RBFOX1: variants seen among roughly 807,000 people sequenced by gnomAD.
RBFOX1 encodes RNA binding protein fox-1 homolog 1.
RBFOX1 carries 8 observed loss-of-function variants against 57.7 expected under a neutral mutation model. That is an observed-to-expected ratio of 0.14 (90% CI 0.08 to 0.25). RBFOX1 has a LOEUF of 0.25. Ranked by LOEUF, RBFOX1 falls within the 10% of genes least tolerant of loss-of-function variation. The probability of loss-of-function intolerance (pLI) is 1.00; values close to 1 mark genes in which losing one functional copy is unlikely to be tolerated. For missense variants in RBFOX1, 611 were observed against 548.5 expected (o/e 1.11, Z -1.14); for synonymous variants, 326 against 222.4 (o/e 1.47, Z -4.15).
At chr16:6,551,033 G>C (rs1386351805) in intron 2 of RBFOX1, among the ~76,000 whole-genome samples, 3 of 152,144 alleles carry the variant, frequency 2.0e-5, no homozygotes, top group Admixed American at 6.5e-5. Flanking sequence ...GGAGGAGATG[G>C]ATTTTGTTTC....
chr16:6,362,549 C>G (rs1328540727), intron 2 of RBFOX1, among the ~76,000 whole-genome samples: 1 of 152,172 alleles, frequency 6.6e-6, no homozygotes, highest in Non-Finnish European at 1.5e-5. Context: ...TTAAGTTTAC[C>G]TGATGCTCTC....
chr16:6,890,435 C>G (rs1047185447), intron 3 of RBFOX1, among the ~76,000 whole-genome samples: 1 of 152,178 alleles, frequency 6.6e-6, no homozygotes, highest in Non-Finnish European at 1.5e-5. Context: ...TGGAGGATCA[C>G]TTAAACCCAG....
intron 3 of RBFOX1, among the ~76,000 whole-genome samples, chr16:5,773,184 G>A (rs1194877191): frequency 6.6e-6 from 1 of 152,140 alleles, no homozygotes; most frequent in Non-Finnish European, 1.5e-5. Context: ...TAGACTTCAG[G>A]GGATAAGTAT....
chr16:7,082,547 G>A (rs2059360994), intron 4 of RBFOX1, among the ~76,000 whole-genome samples: 1 of 150,846 alleles, frequency 6.6e-6, no homozygotes. Flanking sequence ...GGGTGACAGA[G>A]TGAGACCATG....
chr16:7,326,338 G>C (rs1416827649), intron 4 of RBFOX1, among the ~76,000 whole-genome samples: 2 of 152,146 alleles, frequency 1.3e-5, no homozygotes, highest in African/African-American at 4.8e-5. Context: ...TGGAGCAGGA[G>C]GTAGTGCTGG....
intron 4 of RBFOX1, among the ~76,000 whole-genome samples, chr16:5,943,395 C>T (rs2059321836): frequency 6.6e-6 from 1 of 152,194 alleles, no homozygotes; most frequent in African/African-American, 2.4e-5. Context: ...CCTGGGTCCA[C>T]ATACCCAGGT....
intron 4 of RBFOX1, among the ~76,000 whole-genome samples, chr16:7,181,088 C>A (rs2082603522): frequency 6.6e-6 from 1 of 152,170 alleles, no homozygotes; most frequent in African/African-American, 2.4e-5. Context: ...CTTACTGACC[C>A]CCTGCTATCA....
chr16:5,249,833 C>G (rs1357929774), intron 1 of RBFOX1, among the ~76,000 whole-genome samples: 2 of 152,156 alleles, frequency 1.3e-5, no homozygotes, highest in East Asian at 3.8e-4. Flanking sequence ...GTGGTGCCCA[C>G]CTGTAATCCT....
chr16:7,497,114 T>G (rs2068923489), intron 4 of RBFOX1, among the ~76,000 whole-genome samples: 1 of 152,186 alleles, frequency 6.6e-6, no homozygotes. Flanking sequence ...CCTGACCATG[T>G]GAATCCCATG....
chr16:7,079,206 G>T (rs1368644461), intron 4 of RBFOX1, among the ~76,000 whole-genome samples: 1 of 152,004 alleles, frequency 6.6e-6, no homozygotes, highest in Non-Finnish European at 1.5e-5. Context: ...TCCAGGCGCG[G>T]GACTGCATAT....
rs558023869 is a variant in RBFOX1 at position 6,575,980 on chromosome 16, A to G, written c.-63-78623A>G. Among the ~76,000 whole-genome samples, 16 of 152,260 alleles carry G rather than the reference A, an allele frequency of 1.1e-4. No homozygotes were observed. The South Asian group carries it at 3.1e-3, about 30-fold the overall frequency. Reference sequence around the variant, plus strand: ...TGGTAGGCATGGTGCGTTACATCAAAAAATAATTTTTTATTTTTGCAAAGC... The same window carrying G: ...TGGTAGGCATGGTGCGTTACATCAAGAAATAATTTTTTATTTTTGCAAAGC... On this transcript the variant is annotated intron_variant, in intron 2 of 15. Coordinates refer to ENST00000550418, the MANE Select transcript of RBFOX1 (RefSeq NM_018723.4).
intron 1 of RBFOX1, among the ~76,000 whole-genome samples, chr16:6,205,602 C>T (rs961459972): frequency 6.6e-6 from 1 of 152,092 alleles, no homozygotes; most frequent in African/African-American, 2.4e-5. Context: ...TGGTGTACAG[C>T]AGTGATCTGG....
chr16:5,331,217 T>C (rs1235020714), intron 1 of RBFOX1, among the ~76,000 whole-genome samples: 1 of 152,228 alleles, frequency 6.6e-6, no homozygotes, highest in African/African-American at 2.4e-5. Flanking sequence ...TGGCTTGGCT[T>C]GGCCCAGCTC....
At chr16:6,964,558 G>T (rs1018272050) in intron 3 of RBFOX1, among the ~76,000 whole-genome samples, 2 of 151,914 alleles carry the variant, frequency 1.3e-5, no homozygotes, top group Non-Finnish European at 2.9e-5. Flanking sequence ...GGCCAGTGAG[G>T]GTATATGGGG....
At chr16:7,267,576 C>G (rs1008363052) in intron 4 of RBFOX1, among the ~76,000 whole-genome samples, 1 of 149,152 alleles carries the variant, frequency 6.7e-6, no homozygotes, top group Admixed American at 6.7e-5. Context: ...AATGGGAAGC[C>G]GAGCACGATG....
chr16:6,568,871 C>G (rs141442912), intron 2 of RBFOX1, among the ~76,000 whole-genome samples: 3 of 152,082 alleles, frequency 2.0e-5, no homozygotes, highest in Admixed American at 6.6e-5. Context: ...TGGGTTTAAG[C>G]GATTATCCTG....
intron 4 of RBFOX1, among the ~76,000 whole-genome samples, chr16:5,936,127 G>A (rs111412127): frequency 0.011 from 1,658 of 152,148 alleles, 41 homozygotes; most frequent in African/African-American, 0.038. Context: ...GAATGGTGGT[G>A]GTGGTTGTTG....
At chr16:6,649,387 T>C (rs2098558204) in intron 2 of RBFOX1, among the ~76,000 whole-genome samples, 1 of 152,158 alleles carries the variant, frequency 6.6e-6, no homozygotes, top group African/African-American at 2.4e-5. Flanking sequence ...TTTCAGTAGG[T>C]TTCTGGGGAA....
At chr16:6,931,833 A>G (rs2076610154) in intron 3 of RBFOX1, among the ~76,000 whole-genome samples, 1 of 152,154 alleles carries the variant, frequency 6.6e-6, no homozygotes, top group African/African-American at 2.4e-5. Flanking sequence ...GGAGGTCGGA[A>G]AGTCCAAGAG....
Sources: gnomAD v4.1 joint callset for allele counts (sites outside exome capture counted in the v4.1 genomes callset) on GRCh38, gnomAD v4.1.1 for gene constraint, MANE v1.5 for transcripts, NCBI Gene and HGNC (gene_info 2026-07-23, HGNC 2026-07-21) for gene names.